The following NCAM1 variants were observed in gnomAD, a reference collection of about 807,000 sequenced individuals.
NCAM1 encodes the protein neural cell adhesion molecule 1.
A neutral mutation model predicts 109.8 loss-of-function variants in NCAM1; 14 were observed. That is an observed-to-expected ratio of 0.13 (90% CI 0.08 to 0.20). The LOEUF is 0.20. Ranked by LOEUF, NCAM1 falls within the 10% of genes least tolerant of loss-of-function variation. The probability of loss-of-function intolerance (pLI) is 1.00; values close to 1 mark genes in which losing one functional copy is unlikely to be tolerated. For missense variants in NCAM1, 774 were observed against 1,109.9 expected (o/e 0.70, Z 4.30); for synonymous variants, 418 against 442.9 (o/e 0.94, Z 0.70).
intron 1 of NCAM1, among the ~76,000 whole-genome samples, chr11:113,022,744 A>T (rs1952428623): frequency 6.6e-6 from 1 of 152,108 alleles, no homozygotes; most frequent in Non-Finnish European, 1.5e-5. Flanking sequence ...GTAGTCCAGG[A>T]TTGTTATGGT....
At chr11:113,130,432 G>A (rs1253434690) in intron 1 of NCAM1, among the ~76,000 whole-genome samples, 16 of 152,158 alleles carry the variant, frequency 1.1e-4, no homozygotes, top group African/African-American at 3.9e-4. Flanking sequence ...CAATTAAACA[G>A]TATGCCACAA....
At chr11:112,992,207 TC>T (rs1350211613) in intron 1 of NCAM1, among the ~76,000 whole-genome samples, 11 of 152,122 alleles carry the variant, frequency 7.2e-5, no homozygotes, top group Admixed American at 2.0e-4. Flanking sequence ...TGCATTTTTT[TC>T]AATGAAAATT....
intron 9 of NCAM1, chr11:113,231,278 G>GGCTGCTGCT (rs781920826): frequency 5.9e-6 from 9 of 1,530,180 alleles, no homozygotes; most frequent in Non-Finnish European, 7.0e-6. Flanking sequence ...CATGAGGTAG[G>GGCTGCTGCT]GCTGCTGCTG....
At chr11:113,047,831 A>G (rs537844920) in intron 1 of NCAM1, among the ~76,000 whole-genome samples, 9 of 152,304 alleles carry the variant, frequency 5.9e-5, no homozygotes, top group South Asian at 4.1e-4. Context: ...CGTATTCACT[A>G]TCATGAAAAC....
chr11:113,145,956 A>G (rs1329048372), intron 1 of NCAM1, among the ~76,000 whole-genome samples: 1 of 152,188 alleles, frequency 6.6e-6, no homozygotes, highest in Non-Finnish European at 1.5e-5. Context: ...GGAAAATGTC[A>G]GAGTCTTTGG....
At chr11:113,026,257 G>C (rs1952542448) in intron 1 of NCAM1, among the ~76,000 whole-genome samples, 1 of 152,186 alleles carries the variant, frequency 6.6e-6, no homozygotes, top group Non-Finnish European at 1.5e-5. Flanking sequence ...CCAACTAATG[G>C]GGACTGTGAA....
chr11:113,085,584 A>G (rs2135716418), intron 1 of NCAM1, among the ~76,000 whole-genome samples: 1 of 152,268 alleles, frequency 6.6e-6, no homozygotes, highest in African/African-American at 2.4e-5. Context: ...AGCCTCTCCT[A>G]AATCTCTTCC....
chr11:113,023,294 C>G (rs938422244), intron 1 of NCAM1, among the ~76,000 whole-genome samples: 5 of 152,164 alleles, frequency 3.3e-5, no homozygotes, highest in African/African-American at 1.2e-4. Flanking sequence ...AACATTGATT[C>G]CCTCTTAGTA....
intron 1 of NCAM1, among the ~76,000 whole-genome samples, chr11:113,190,853 A>C (rs1484975399): frequency 2.0e-5 from 3 of 152,126 alleles, no homozygotes; most frequent in African/African-American, 7.2e-5. Flanking sequence ...GTGACCTCCA[A>C]CAGGAATCCC....
intron 1 of NCAM1, among the ~76,000 whole-genome samples, chr11:113,189,317 G>A (rs1194956658): frequency 6.6e-6 from 1 of 151,990 alleles, no homozygotes; most frequent in Non-Finnish European, 1.5e-5. Context: ...AGGCATGGTG[G>A]CGTGTGCTTG....
chr11:113,048,021 G>A (rs187752791), intron 1 of NCAM1, among the ~76,000 whole-genome samples: 1 of 152,226 alleles, frequency 6.6e-6, no homozygotes, highest in African/African-American at 2.4e-5. Flanking sequence ...CCAGCTTGCT[G>A]CAGTAACACC....
At chr11:113,211,235 G>T (rs1463574031) in intron 7 of NCAM1, among the ~76,000 whole-genome samples, 1 of 152,200 alleles carries the variant, frequency 6.6e-6, no homozygotes, top group Non-Finnish European at 1.5e-5. Flanking sequence ...GGGGAGAAAT[G>T]GGACAGGTTC....
intron 1 of NCAM1, among the ~76,000 whole-genome samples, chr11:113,043,748 C>T (rs951118332): frequency 5.9e-5 from 9 of 152,126 alleles, no homozygotes; most frequent in African/African-American, 1.4e-4. Context: ...TCCTCATTGC[C>T]GTGAGCATGT....
intron 1 of NCAM1, among the ~76,000 whole-genome samples, chr11:113,059,514 G>C (rs1477144330): frequency 6.6e-6 from 1 of 152,108 alleles, no homozygotes; most frequent in East Asian, 1.9e-4. Flanking sequence ...ATGCTCTTTG[G>C]CATCTCCTTC....
chr11:113,221,393 GT>G, intron 9 of NCAM1, 68 bp downstream of exon 9: 1 of 1,483,738 alleles, frequency 6.7e-7, no homozygotes, highest in Admixed American at 2.0e-5. Flanking sequence ...CACCATTGCA[GT>G]TTAATAACCA....
intron 17 of NCAM1, chr11:113,265,339 C>T (rs113861726): frequency 0.039 from 10,234 of 263,338 alleles, 284 homozygotes; most frequent in Non-Finnish European, 0.052. Context: ...TTCTTCCTAA[C>T]GGGGAGCAAT....
chr11:112,982,760 G>A (rs1429118645), intron 1 of NCAM1, among the ~76,000 whole-genome samples: 3 of 151,690 alleles, frequency 2.0e-5, no homozygotes, highest in Non-Finnish European at 3.0e-5. Context: ...AATTGAGGAA[G>A]GGGAAAATAG....
intron 1 of NCAM1, among the ~76,000 whole-genome samples, chr11:113,025,933 A>G (rs536023186): frequency 1.1e-4 from 17 of 152,224 alleles, no homozygotes; most frequent in Admixed American, 3.9e-4. Context: ...CCACCACACT[A>G]TACATCTTGA....
At position 113,170,182 on chromosome 11, in the gene NCAM1, C is replaced by G. The variant is rs1343998608; in HGVS notation, c.53-32197C>G. ...CTAGGATTGTCCTTTCATGGAAGAG[C>G]AAGCAGAGATCAGAGAATGTGCCCA... is the stretch of plus-strand genomic sequence containing the variant. On this transcript the variant is annotated intron_variant, in intron 1 of 19. Transcript: ENST00000316851. 2.0e-5 allele frequency among the ~76,000 whole-genome samples: 3 copies of G among 152,124 alleles called. No individual in the cohort carries two copies. The South Asian group carries it at 6.2e-4, about 32-fold the overall frequency.
Sources: gnomAD v4.1 joint callset for allele counts (sites outside exome capture counted in the v4.1 genomes callset) on GRCh38, gnomAD v4.1.1 for gene constraint, MANE v1.5 for transcripts, NCBI Gene and HGNC (gene_info 2026-07-23, HGNC 2026-07-21) for gene names.